TGFA: variants seen among roughly 807,000 people sequenced by gnomAD.
TGFA encodes protransforming growth factor alpha.
Under a neutral mutation model 21.7 loss-of-function variants are expected in TGFA, and 12 were observed. The observed-to-expected ratio is 0.55, with a 90% CI of 0.35 to 0.90. TGFA has a LOEUF of 0.90. TGFA is among the 40% of genes least tolerant of loss of function. The pLI is 0.01. For missense variants in TGFA, 178 were observed against 210.8 expected (o/e 0.84, Z 0.96); for synonymous variants, 79 against 88.1 (o/e 0.90, Z 0.58).
chr2:70,552,836 A>T (rs1295205534), intron 1 of TGFA, among the ~76,000 whole-genome samples: 2 of 152,248 alleles, frequency 1.3e-5, no homozygotes, highest in Non-Finnish European at 2.9e-5. Flanking sequence ...GACTAGCAAT[A>T]ACCAGGACAC....
At chr2:70,471,635 A>C (rs11466237) in intron 2 of TGFA, among the ~76,000 whole-genome samples, 27,565 of 152,042 alleles carry the variant, frequency 0.18, 2,957 homozygotes, top group Admixed American at 0.3. Flanking sequence ...TTCCTATGAG[A>C]GGCACTTTGG....
intron 1 of TGFA, among the ~76,000 whole-genome samples, chr2:70,529,779 C>T (rs1180329500): frequency 6.6e-6 from 1 of 152,142 alleles, no homozygotes; most frequent in Non-Finnish European, 1.5e-5. Context: ...ATGCATGTGA[C>T]AGAAGAGACA....
chr2:70,536,946 C>T (rs1299383924), intron 1 of TGFA, among the ~76,000 whole-genome samples: 1 of 151,434 alleles, frequency 6.6e-6, no homozygotes, highest in Non-Finnish European at 1.5e-5. Flanking sequence ...CTTTATTGTG[C>T]CTCACAGATA....
intron 2 of TGFA, among the ~76,000 whole-genome samples, chr2:70,512,405 G>A (rs1553501059): frequency 6.6e-6 from 1 of 152,178 alleles, no homozygotes; most frequent in East Asian, 1.9e-4. Flanking sequence ...GGGGCTTGAG[G>A]CTCTCTGGAC....
chr2:70,483,288 A>C (rs3849383), intron 2 of TGFA, among the ~76,000 whole-genome samples: 72,381 of 152,104 alleles, frequency 0.48, 17,427 homozygotes, highest in East Asian at 0.66. Context: ...CAAGTTTTAT[A>C]ATCTACATTC....
At position 70,471,120 on chromosome 2, in the gene TGFA, C is replaced by A. The variant is rs527764456; in HGVS notation, c.95-5384G>T. ...ATTCTCCTCCCCGCACCCCCCCCAC[C>A]ATATAACCAAACTTCTTAAAAACAA... is the stretch of plus-strand genomic sequence containing the variant. On this transcript the variant is annotated intron_variant, in intron 2 of 5. Coordinates refer to ENST00000295400, the MANE Select transcript of TGFA (RefSeq NM_003236.4). 1.1e-4 allele frequency among the ~76,000 whole-genome samples: 16 copies of A among 149,542 alleles called. No individual in the cohort carries two copies. In the East Asian group the frequency reaches 2.6e-3, roughly 24 times the overall value.
intron 2 of TGFA, among the ~76,000 whole-genome samples, chr2:70,506,474 C>T (rs368518527): frequency 1.3e-5 from 2 of 152,300 alleles, no homozygotes; most frequent in African/African-American, 4.8e-5. Context: ...TCAACAGAGT[C>T]AGCAGGATGA....
intron 1 of TGFA, among the ~76,000 whole-genome samples, chr2:70,551,804 T>C (rs1673520161): frequency 6.6e-6 from 1 of 152,186 alleles, no homozygotes; most frequent in Admixed American, 6.5e-5. Flanking sequence ...TACATCATTT[T>C]CTTAAAGAAG....
chr2:70,495,940 T>G (rs1553498287), intron 2 of TGFA, among the ~76,000 whole-genome samples: 1 of 152,220 alleles, frequency 6.6e-6, no homozygotes, highest in South Asian at 2.1e-4. Flanking sequence ...CTTTTAAGAT[T>G]TCTAATAGGC....
At chr2:70,503,154 G>A (rs1327856528) in intron 2 of TGFA, among the ~76,000 whole-genome samples, 2 of 152,142 alleles carry the variant, frequency 1.3e-5, no homozygotes, top group Admixed American at 6.5e-5. Flanking sequence ...ATTCACAATA[G>A]CAAAGACTTG....
intron 1 of TGFA, among the ~76,000 whole-genome samples, chr2:70,539,069 C>T (rs1299958932): frequency 6.6e-6 from 1 of 152,152 alleles, no homozygotes; most frequent in East Asian, 1.9e-4. Flanking sequence ...TTGCTGAAGG[C>T]TTAGATAATT....
In TGFA at chr2:70,451,093, G is replaced by A. The variant is rs376553929; in HGVS notation, c.476-227C>T. Among the ~76,000 whole-genome samples, 4 of 152,276 alleles carry A rather than the reference G, an allele frequency of 2.6e-5. No individual in the cohort carries two copies. In the East Asian group the frequency reaches 5.8e-4, roughly 22 times the overall value. ...AGAGAGACTGATTGAAAGTGAGTGAGTGAGTGAGTGATAGCAGAAGGAAGG... is the reference window on the plus strand; with the variant it reads ...AGAGAGACTGATTGAAAGTGAGTGAATGAGTGAGTGATAGCAGAAGGAAGG... On this transcript the variant is annotated intron_variant, in intron 5 of 5. Transcript: ENST00000295400.
chr2:70,551,041 C>T (rs1179002555), intron 1 of TGFA, among the ~76,000 whole-genome samples: 1 of 151,380 alleles, frequency 6.6e-6, no homozygotes, highest in Non-Finnish European at 1.5e-5. Context: ...GCAATGATGT[C>T]TGGAATTCTA....
intron 2 of TGFA, among the ~76,000 whole-genome samples, chr2:70,476,834 A>G (rs1559109685): frequency 1.3e-5 from 2 of 152,228 alleles, no homozygotes; most frequent in Admixed American, 1.3e-4. Context: ...AGTTGGGACT[A>G]TGTCCCATGA....
intron 3 of TGFA, among the ~76,000 whole-genome samples, 177 bp downstream of exon 3, chr2:70,465,439 T>G (rs998336444): frequency 6.6e-6 from 1 of 152,134 alleles, no homozygotes; most frequent in Admixed American, 6.5e-5. Flanking sequence ...GGAACCTGGA[T>G]TTTTAGACAT....
intron 4 of TGFA, among the ~76,000 whole-genome samples, chr2:70,453,756 G>A (rs1670135176): frequency 6.6e-6 from 1 of 152,196 alleles, no homozygotes; most frequent in South Asian, 2.1e-4. Flanking sequence ...TTAGGAAGAG[G>A]TTATTCATCT....
intron 2 of TGFA, among the ~76,000 whole-genome samples, chr2:70,489,042 C>T (rs1193075883): frequency 5.9e-5 from 9 of 152,266 alleles, no homozygotes; most frequent in East Asian, 1.9e-4. Flanking sequence ...CAAAAGATTC[C>T]GAGTCAGCAG....
At chr2:70,521,606 G>GTTTTTTTT (rs1559133439) in intron 1 of TGFA, among the ~76,000 whole-genome samples, 11 of 98,262 alleles carry the variant, frequency 1.1e-4, no homozygotes, top group Admixed American at 2.4e-4. Flanking sequence ...TTTTTTTGTT[G>GTTTTTTTT]TTGTTTGTTT....
chr2:70,523,876 C>T (rs1286564720), intron 1 of TGFA, among the ~76,000 whole-genome samples: 1 of 152,142 alleles, frequency 6.6e-6, no homozygotes, highest in East Asian at 1.9e-4. Flanking sequence ...CAGAAGTAAC[C>T]TAGTTGTTAC....
Sources: allele counts gnomAD v4.1 joint callset (sites outside exome capture counted in the v4.1 genomes callset), GRCh38; gene constraint gnomAD v4.1.1; transcripts MANE v1.5; gene names NCBI Gene and HGNC (gene_info 2026-07-23, HGNC 2026-07-21).